ACER3: variants seen among roughly 807,000 people sequenced by gnomAD.
ACER3 encodes alkCDase 3.
ACER3 carries 16 observed loss-of-function variants against 48.9 expected under a neutral mutation model. That is an observed-to-expected ratio of 0.33 (90% confidence interval 0.22 to 0.50). The LOEUF (loss-of-function observed/expected upper bound fraction) is 0.50, where lower values mean the gene tolerates loss of function less well. ACER3 is among the 20% of genes least tolerant of loss of function. The pLI is 0.98. For missense variants in ACER3, 227 were observed against 326.0 expected (o/e 0.70, Z 2.34); for synonymous variants, 109 against 107.8 (o/e 1.01, Z -0.07).
intron 2 of ACER3, among the ~76,000 whole-genome samples, chr11:76,935,395 T>A (rs1356353607): frequency 6.6e-6 from 1 of 152,116 alleles, no homozygotes; most frequent in Non-Finnish European, 1.5e-5. Context: ...AAGGTCCAAT[T>A]TTGCCTGGTA....
intron 1 of ACER3, among the ~76,000 whole-genome samples, chr11:76,925,490 A>T (rs1370504128): frequency 6.6e-6 from 1 of 152,204 alleles, no homozygotes; most frequent in Non-Finnish European, 1.5e-5. Flanking sequence ...AAAATTTTTT[A>T]ATTTATCAAA....
In ACER3 at chr11:76,868,280, G is replaced by A. The variant is rs1486685650; in HGVS notation, c.103+7201G>A. ...AGGTTATTGACAGGCAAGCAGCACT[G>A]CCTCCAAATTATAACTCAAAAGTTC... is the stretch of plus-strand genomic sequence containing the variant. On this transcript the variant is annotated intron_variant, in intron 1 of 10. Transcript: ENST00000532485. The A allele has an allele frequency of 3.1e-6, 4 of 1,278,282 alleles. No individual in the cohort carries two copies. In the East Asian group the frequency reaches 2.2e-4, roughly 71 times the overall value. The allele number at this position is 1,278,282 out of a possible 1,614,324, so 79.2% of individuals were successfully genotyped here. A position where few individuals can be genotyped will look rare whatever the true frequency, so the allele number is the denominator to read the frequency against.
At chr11:76,909,249 A>C (rs1946308902) in intron 1 of ACER3, among the ~76,000 whole-genome samples, 1 of 152,218 alleles carries the variant, frequency 6.6e-6, no homozygotes, top group South Asian at 2.1e-4. Context: ...AAGCAATGGC[A>C]ACAAAAGCCA....
chr11:76,889,784 C>T (rs1376861791), intron 1 of ACER3, among the ~76,000 whole-genome samples: 2 of 151,946 alleles, frequency 1.3e-5, no homozygotes, highest in Non-Finnish European at 2.9e-5. Context: ...TTTCTTTTTC[C>T]TTCTAAATTT....
intron 7 of ACER3, among the ~76,000 whole-genome samples, chr11:76,999,627 C>A (rs1031976313): frequency 1.3e-5 from 2 of 152,142 alleles, no homozygotes; most frequent in Non-Finnish European, 2.9e-5. Flanking sequence ...TGCCCCACCT[C>A]ACTCCTCACT....
At chr11:76,864,296 A>G (rs979179579) in intron 1 of ACER3, among the ~76,000 whole-genome samples, 7 of 152,224 alleles carry the variant, frequency 4.6e-5, no homozygotes, top group African/African-American at 1.7e-4. Flanking sequence ...GCTTTGCATC[A>G]TAGTGTGGGA....
chr11:76,862,630 G>A (rs539006901), intron 1 of ACER3, among the ~76,000 whole-genome samples: 1 of 152,232 alleles, frequency 6.6e-6, no homozygotes, highest in East Asian at 1.9e-4. Flanking sequence ...ATATTGGATG[G>A]GCTATCATAT....
rs1054554547 is a variant in ACER3, at chr11:76,935,511, A to C, written c.214+8844A>C. ...TTGGAAATAAGCCTTGATTACTTACAAGGGACCGAAAATTAGACTGGCATC... is the reference window on the plus strand; with the variant it reads ...TTGGAAATAAGCCTTGATTACTTACCAGGGACCGAAAATTAGACTGGCATC... On this transcript the variant is annotated intron_variant, in intron 2 of 10. Coordinates refer to ENST00000532485, the MANE Select transcript of ACER3 (RefSeq NM_018367.7). Among the ~76,000 whole-genome samples, 3 of 152,232 alleles carry C rather than the reference A, an allele frequency of 2.0e-5. No homozygotes were observed. In the South Asian group the frequency reaches 6.2e-4, roughly 31 times the overall value.
chr11:76,917,590 C>T (rs1022874984), intron 1 of ACER3, among the ~76,000 whole-genome samples: 5 of 151,990 alleles, frequency 3.3e-5, no homozygotes, highest in African/African-American at 9.7e-5. Flanking sequence ...GGCGCAGTGG[C>T]TCATGCCTGT....
At chr11:76,880,505 C>T (rs1945495619) in intron 1 of ACER3, among the ~76,000 whole-genome samples, 1 of 152,208 alleles carries the variant, frequency 6.6e-6, no homozygotes, top group African/African-American at 2.4e-5. Flanking sequence ...CCCACAAGAC[C>T]GTCCTCCACT....
At chr11:76,861,500 T>G (rs6592675) in intron 1 of ACER3, among the ~76,000 whole-genome samples, 108,261 of 151,886 alleles carry the variant, frequency 0.71, 38,934 homozygotes, top group Non-Finnish European at 0.75. Context: ...ACCAGAAGGG[T>G]ACAGTTCCTA....
rs536758282 is a variant in ACER3, at chr11:76,928,916, T to C, written c.214+2249T>C. ...GAGTGATGCCTCCAGCTTTGTTCTT[T>C]TGGCTTAGGATTGACTTGGCAATGC... On this transcript the variant is annotated intron_variant, in intron 2 of 10. Transcript: ENST00000532485. 1.4e-4 allele frequency among the ~76,000 whole-genome samples: 22 copies of C among 152,332 alleles called. No homozygotes were observed. In the East Asian group the frequency reaches 4.2e-3, roughly 29 times the overall value.
chr11:76,887,282 T>C (rs1945696690), intron 1 of ACER3, among the ~76,000 whole-genome samples: 1 of 152,082 alleles, frequency 6.6e-6, no homozygotes, highest in South Asian at 2.1e-4. Context: ...CAGATAAGGC[T>C]TTTTGTCTTT....
intron 1 of ACER3, 72 bp from the exon 2 acceptor site, chr11:76,926,485 C>G (rs1364187168): frequency 3.6e-6 from 3 of 836,592 alleles, no homozygotes; most frequent in East Asian, 2.8e-5. Flanking sequence ...GTTGTTAAAG[C>G]CTACGTGAAT....
At chr11:76,994,334 T>A in intron 6 of ACER3, 1 of 362,496 alleles carries the variant, frequency 2.8e-6, no homozygotes, top group Non-Finnish European at 5.4e-6. Context: ...ATCGCCATGT[T>A]GGCCAGGCTG....
At chr11:76,916,420 C>T (rs1946530759) in intron 1 of ACER3, among the ~76,000 whole-genome samples, 1 of 152,144 alleles carries the variant, frequency 6.6e-6, no homozygotes, top group Admixed American at 6.6e-5. Flanking sequence ...CCACTGCCCT[C>T]AAGAAATGTA....
intron 3 of ACER3, among the ~76,000 whole-genome samples, chr11:76,967,184 A>G (rs1196506460): frequency 6.6e-6 from 1 of 152,204 alleles, no homozygotes; most frequent in African/African-American, 2.4e-5. Flanking sequence ...AAACACCTCT[A>G]TGCCAATAAA....
chr11:76,961,167 T>G (rs891191429), intron 3 of ACER3, among the ~76,000 whole-genome samples: 5 of 151,972 alleles, frequency 3.3e-5, no homozygotes, highest in Non-Finnish European at 7.4e-5. Context: ...ATAAATACAT[T>G]AAGGAGAATG....
chr11:76,875,107 CT>C (rs10676364), intron 1 of ACER3, among the ~76,000 whole-genome samples: 28 of 78,152 alleles, frequency 3.6e-4, no homozygotes, highest in African/African-American at 6.1e-4. Flanking sequence ...AAAAGCACTT[CT>C]TTTTTTTTTT....
Sources: gnomAD v4.1 joint callset for allele counts (sites outside exome capture counted in the v4.1 genomes callset) on GRCh38, gnomAD v4.1.1 for gene constraint, MANE v1.5 for transcripts, NCBI Gene and HGNC (gene_info 2026-07-23, HGNC 2026-07-21) for gene names.